The following DMD variants were observed in gnomAD, a reference collection of about 807,000 sequenced individuals.
The protein encoded by DMD is dystrophin.
DMD carries 63 observed loss-of-function variants against 330.1 expected under a neutral mutation model. The ratio of observed to expected loss-of-function variants is 0.19; its 90% CI spans 0.16 to 0.24. The LOEUF is 0.24. Ranked by LOEUF, DMD falls within the 10% of genes least tolerant of loss-of-function variation. The pLI, the probability that DMD is intolerant of heterozygous loss-of-function variation, is 1.00. For missense variants in DMD, 3,344 were observed against 2,684.1 expected (o/e 1.25, Z -5.43); for synonymous variants, 1,223 against 959.8 (o/e 1.27, Z -5.07).
chrX:31,439,199 G>C (rs1382890869), intron 60 of DMD, among the ~76,000 whole-genome samples: 2 of 111,758 alleles, frequency 1.8e-5, no homozygotes, highest in African/African-American at 6.5e-5. Context: ...GAAAGGATGA[G>C]AGGGGTGGGC....
chrX:31,774,833 C>T (rs981249539), intron 50 of DMD, among the ~76,000 whole-genome samples: 3 of 111,458 alleles, frequency 2.7e-5, no homozygotes, highest in East Asian at 2.8e-4. Flanking sequence ...CTTAAAAATG[C>T]GAGTTAGTAG....
intron 2 of DMD, among the ~76,000 whole-genome samples, chrX:32,861,032 C>A (rs1223911414): frequency 8.9e-6 from 1 of 111,877 alleles, no homozygotes; most frequent in Non-Finnish European, 1.9e-5. Context: ...TGACTGTACA[C>A]CCAGAATGCC....
At chrX:32,563,966 T>TA (rs1391954596) in intron 16 of DMD, among the ~76,000 whole-genome samples, 1 of 111,746 alleles carries the variant, frequency 8.9e-6, no homozygotes, top group Non-Finnish European at 1.9e-5. Context: ...ACCCAGGTAT[T>TA]AAGCCCAGTA....
chrX:31,474,511 G>A (rs1753372292), intron 59 of DMD, among the ~76,000 whole-genome samples: 1 of 105,873 alleles, frequency 9.4e-6, no homozygotes, highest in South Asian at 4.3e-4. Flanking sequence ...AGACTAGCCT[G>A]GCCAACATGG....
At chrX:32,746,470 C>T (rs1348939612) in intron 7 of DMD, among the ~76,000 whole-genome samples, 1 of 111,729 alleles carries the variant, frequency 9.0e-6, no homozygotes, top group Non-Finnish European at 1.9e-5. Context: ...TCAGCGTCAC[C>T]TGGGACCTTT....
chrX:31,841,849 G>A (rs1251330843), intron 48 of DMD, among the ~76,000 whole-genome samples: 1 of 112,389 alleles, frequency 8.9e-6, no homozygotes, highest in Non-Finnish European at 1.9e-5. Context: ...GGTCAGCCAA[G>A]AGGTCTGATG....
intron 25 of DMD, among the ~76,000 whole-genome samples, chrX:32,456,485 T>C (rs1234089365): frequency 1.8e-5 from 2 of 110,983 alleles, no homozygotes; most frequent in Non-Finnish European, 3.8e-5. Flanking sequence ...GTTATAATCT[T>C]TTAAGGCAGT....
chrX:32,873,304 C>T (rs1414420229), intron 2 of DMD, among the ~76,000 whole-genome samples: 2 of 109,986 alleles, frequency 1.8e-5, no homozygotes, highest in African/African-American at 6.6e-5. Context: ...CTTCCCTCCT[C>T]GTTCACATAC....
At chrX:32,924,230 A>C (rs996474381) in intron 2 of DMD, among the ~76,000 whole-genome samples, 12 of 112,003 alleles carry the variant, frequency 1.1e-4, no homozygotes, top group African/African-American at 3.6e-4. Flanking sequence ...ATAAGAAAAA[A>C]GAAAAATGTT....
intron 1 of DMD, among the ~76,000 whole-genome samples, chrX:33,323,295 G>A (rs1434066218): frequency 8.9e-6 from 1 of 111,813 alleles, no homozygotes; most frequent in Non-Finnish European, 1.9e-5. Flanking sequence ...GACTTGTTGT[G>A]CTTGTTGTAC....
chrX:32,487,062 C>A (rs1037058060), intron 20 of DMD, among the ~76,000 whole-genome samples: 2 of 110,719 alleles, frequency 1.8e-5, no homozygotes, highest in Non-Finnish European at 3.8e-5. Flanking sequence ...AGTGAACAGG[C>A]AACCTACAAA....
At chrX:31,424,997 AAGAC>A (rs1221732266) in intron 60 of DMD, among the ~76,000 whole-genome samples, 2 of 112,147 alleles carry the variant, frequency 1.8e-5, no homozygotes, top group Non-Finnish European at 3.8e-5. Context: ...AACACATAAA[AAGAC>A]ACACCACTAT....
At chrX:32,925,623 G>A (rs2088937215) in intron 2 of DMD, among the ~76,000 whole-genome samples, 1 of 111,515 alleles carries the variant, frequency 9.0e-6, no homozygotes, top group African/African-American at 3.3e-5. Flanking sequence ...CTTTAAGAAA[G>A]GCTTTTTAAC....
intron 56 of DMD, among the ~76,000 whole-genome samples, chrX:31,500,946 A>C (rs6628611): frequency 0.22 from 24,164 of 111,277 alleles, 2,050 homozygotes; most frequent in South Asian, 0.45. Context: ...TGTTAAATTA[A>C]ATTAAATTGG....
chrX:31,166,773 A>T (rs2039459979), intron 74 of DMD, among the ~76,000 whole-genome samples: 1 of 111,540 alleles, frequency 9.0e-6, no homozygotes, highest in Non-Finnish European at 1.9e-5. Flanking sequence ...CTCTGTGGAG[A>T]CATTTCTTTG....
chrX:31,318,005 A>T (rs1271582919), intron 62 of DMD, among the ~76,000 whole-genome samples: 4 of 112,313 alleles, frequency 3.6e-5, no homozygotes, highest in African/African-American at 6.5e-5. Flanking sequence ...AGCAATCAAT[A>T]TTATGAAGGA....
chrX:32,517,339 A>G (rs2045954071), intron 18 of DMD: 1 of 112,263 alleles, frequency 8.9e-6, no homozygotes, highest in South Asian at 3.6e-4. Context: ...TTGAAAAATT[A>G]AAGCCTTGAC....
intron 11 of DMD, among the ~76,000 whole-genome samples, chrX:32,632,913 C>T (rs899007760): frequency 8.9e-6 from 1 of 112,508 alleles, no homozygotes; most frequent in Non-Finnish European, 1.9e-5. Flanking sequence ...TGGCTATCAG[C>T]ACTTGCCTTC....
chrX:31,985,642 T>C (rs764493904), intron 44 of DMD, among the ~76,000 whole-genome samples: 1 of 112,621 alleles, frequency 8.9e-6, no homozygotes, highest in South Asian at 3.6e-4. Flanking sequence ...TAAATATTTA[T>C]TGAGCGCATT....
Sources: allele counts gnomAD v4.1 joint callset (sites outside exome capture counted in the v4.1 genomes callset), GRCh38; gene constraint gnomAD v4.1.1; transcripts MANE v1.5; gene names NCBI Gene and HGNC (gene_info 2026-07-23, HGNC 2026-07-21).